XRCC4: variants seen among roughly 807,000 people sequenced by gnomAD.
XRCC4 encodes X-ray repair cross complementing 4.
In XRCC4, 28 loss-of-function variants were observed where a neutral mutation model predicts 39.1. The ratio of observed to expected loss-of-function variants is 0.72; its 90% CI spans 0.53 to 0.98. XRCC4 has a LOEUF of 0.98. Ranked by LOEUF, XRCC4 falls within the 50% of genes least tolerant of loss-of-function variation. The pLI is 0.00. For synonymous variants in XRCC4, 123 were observed against 126.4 expected (o/e 0.97, Z 0.18); for missense variants, 350 against 376.4 (o/e 0.93, Z 0.58).
At chr5:83,129,917 G>A (rs1270278472) in intron 3 of XRCC4, among the ~76,000 whole-genome samples, 1 of 152,028 alleles carries the variant, frequency 6.6e-6, no homozygotes, top group African/African-American at 2.4e-5. Flanking sequence ...CTGCAAACAG[G>A]GACAATTTGG....
chr5:83,361,184 GA>G, the XRCC4 span, among the ~76,000 whole-genome samples: 5 of 152,156 alleles, frequency 3.3e-5, no homozygotes, highest in African/African-American at 1.2e-4. Flanking sequence ...AGTAAGTGAG[GA>G]ATATGTGGAA....
intron 7 of XRCC4, among the ~76,000 whole-genome samples, chr5:83,287,534 G>T (rs1023089626): frequency 2.6e-5 from 4 of 151,926 alleles, no homozygotes; most frequent in Non-Finnish European, 4.4e-5. Flanking sequence ...ATCCAGAATG[G>T]AGATGGAGAG....
At chr5:83,111,316 AG>A (rs1746437687) in intron 3 of XRCC4, 113 bp downstream of exon 3, 3 of 787,846 alleles carry the variant, frequency 3.8e-6, no homozygotes, top group African/African-American at 1.8e-5. Flanking sequence ...CAGAAGCAAA[AG>A]CTTGAAAAGT....
chr5:83,103,154 G>A (rs1746033587), intron 1 of XRCC4, among the ~76,000 whole-genome samples: 1 of 151,676 alleles, frequency 6.6e-6, no homozygotes, highest in Admixed American at 6.6e-5. Context: ...AAACATGCGT[G>A]TCTGTGGATA....
chr5:83,289,729 T>C (rs192768115), intron 7 of XRCC4, among the ~76,000 whole-genome samples: 45 of 151,888 alleles, frequency 3.0e-4, no homozygotes, highest in South Asian at 1.0e-3. Flanking sequence ...TTTCCCTTCT[T>C]AGGTGAAACA....
At position 83,353,274 on chromosome 5, in the gene XRCC4, A is replaced by T; in HGVS notation, c.*32A>T. On this transcript the variant is annotated 3_prime_UTR_variant, in exon 8 of 8. Transcript: ENST00000396027. ...CAAAAAATACTTTGATGTTCACTAG[A>T]CTATGTTTTCTATTCATTTCTTTAA... is the stretch of plus-strand genomic sequence containing the variant. The T allele has an allele frequency of 6.8e-7, 1 of 1,478,748 alleles. No individual in the cohort carries two copies. The highest frequency in any genetic ancestry group is 9.2e-7 in the Non-Finnish European group (1 of 1,081,992). The allele number at this position is 1,478,748 out of a possible 1,614,324, so 91.6% of individuals were successfully genotyped here.
chr5:83,221,965 C>G (rs1437694137), intron 6 of XRCC4, among the ~76,000 whole-genome samples: 1 of 151,736 alleles, frequency 6.6e-6, no homozygotes, highest in African/African-American at 2.4e-5. Context: ...TTAACATCTT[C>G]TTTATCTGAT....
intron 6 of XRCC4, among the ~76,000 whole-genome samples, chr5:83,239,153 G>A (rs1250767135): frequency 6.6e-6 from 1 of 152,186 alleles, no homozygotes; most frequent in Admixed American, 6.5e-5. Context: ...CCTGTTAGGT[G>A]TTGGGCCTGA....
chr5:83,326,964 C>A (rs950169530), intron 7 of XRCC4, among the ~76,000 whole-genome samples: 1 of 151,990 alleles, frequency 6.6e-6, no homozygotes, highest in Admixed American at 6.6e-5. Context: ...TACACCTGCA[C>A]GTTAATCAGA....
intron 3 of XRCC4, among the ~76,000 whole-genome samples, chr5:83,160,274 G>A (rs960277450): frequency 6.6e-6 from 1 of 152,080 alleles, no homozygotes; most frequent in African/African-American, 2.4e-5. Context: ...GGAATAAAGA[G>A]GAAAAAACTG....
At position 83,190,536 on chromosome 5, in the gene XRCC4, A is replaced by C. The variant is rs973868313; in HGVS notation, c.316-5234A>C. Among the ~76,000 whole-genome samples, 10 of 152,126 alleles carry C rather than the reference A, an allele frequency of 6.6e-5. No homozygotes were observed. In the East Asian group the frequency reaches 1.9e-3, roughly 29 times the overall value. On this transcript the variant is annotated intron_variant, in intron 3 of 7. Coordinates refer to ENST00000396027, the MANE Select transcript of XRCC4 (RefSeq NM_003401.5). ...CCTTTAGTTCCACATCTTGTTTCCC[A>C]GGATAGTAATGAACTTTAATTCTGC...
intron 7 of XRCC4, among the ~76,000 whole-genome samples, chr5:83,346,677 C>G (rs1474006045): frequency 6.6e-6 from 1 of 151,920 alleles, no homozygotes. Flanking sequence ...AGTGTATAAT[C>G]AACAAGTACA....
At chr5:83,167,934 C>A (rs1277661306) in intron 3 of XRCC4, among the ~76,000 whole-genome samples, 1 of 151,780 alleles carries the variant, frequency 6.6e-6, no homozygotes, top group Non-Finnish European at 1.5e-5. Context: ...AGTAATGGGA[C>A]AAATTTAAAG....
intron 3 of XRCC4, among the ~76,000 whole-genome samples, chr5:83,123,958 G>A (rs1448708306): frequency 6.6e-6 from 1 of 152,024 alleles, no homozygotes; most frequent in African/African-American, 2.4e-5. Flanking sequence ...GAGTCGAAAA[G>A]TTTCAACAGT....
chr5:83,241,010 C>T (rs1458090242), intron 6 of XRCC4, among the ~76,000 whole-genome samples: 1 of 151,916 alleles, frequency 6.6e-6, no homozygotes. Context: ...CCGAGACGGG[C>T]GGATCAGTTG....
chr5:83,199,004 A>G (rs919029929), intron 4 of XRCC4, among the ~76,000 whole-genome samples: 4 of 152,148 alleles, frequency 2.6e-5, no homozygotes, highest in African/African-American at 9.7e-5. Flanking sequence ...TCAGACCTCT[A>G]CTTAGAAATT....
intron 7 of XRCC4, among the ~76,000 whole-genome samples, chr5:83,304,186 T>C (rs1007423369): frequency 6.7e-6 from 1 of 149,528 alleles, no homozygotes; most frequent in Non-Finnish European, 1.5e-5. Context: ...CTTTTTTTTT[T>C]TTTTTTTTTT....
intron 3 of XRCC4, among the ~76,000 whole-genome samples, chr5:83,136,570 T>C (rs566468462): frequency 1.3e-5 from 2 of 152,316 alleles, no homozygotes; most frequent in African/African-American, 4.8e-5. Flanking sequence ...GTTATAATCA[T>C]TTAAAATTAA....
chr5:83,206,040 T>C (rs572700925), intron 6 of XRCC4, among the ~76,000 whole-genome samples: 2 of 152,182 alleles, frequency 1.3e-5, no homozygotes, highest in African/African-American at 4.8e-5. Flanking sequence ...GGAAATGAGA[T>C]GAGAGAGATG....
Sources: allele counts gnomAD v4.1 joint callset (sites outside exome capture counted in the v4.1 genomes callset), GRCh38; gene constraint gnomAD v4.1.1; transcripts MANE v1.5; gene names NCBI Gene and HGNC (gene_info 2026-07-23, HGNC 2026-07-21).